STK24: variants seen among roughly 807,000 people sequenced by gnomAD.
STK24 encodes serine/threonine-protein kinase 24.
STK24 carries 21 observed loss-of-function variants against 55.6 expected under a neutral mutation model. The ratio of observed to expected loss-of-function variants is 0.38; its 90% CI spans 0.27 to 0.54. The LOEUF (loss-of-function observed/expected upper bound fraction) is 0.54, where lower values mean the gene tolerates loss of function less well. Ranked by LOEUF, STK24 falls within the 20% of genes least tolerant of loss-of-function variation. The pLI is 0.79. For synonymous variants in STK24, 200 were observed against 215.2 expected (o/e 0.93, Z 0.62); for missense variants, 383 against 538.4 (o/e 0.71, Z 2.86).
intron 2 of STK24, among the ~76,000 whole-genome samples, chr13:98,499,574 G>A (rs1895370979): frequency 1.3e-5 from 2 of 152,212 alleles, no homozygotes; most frequent in African/African-American, 4.8e-5. Context: ...GGGGTGGGGT[G>A]CGTCATCGCT....
chr13:98,482,126 C>T (rs1256879612), intron 3 of STK24, 139 bp downstream of exon 3: 13 of 433,354 alleles, frequency 3.0e-5, no homozygotes, highest in African/African-American at 1.9e-4. Context: ...CAAAAAAACA[C>T]GTAAGGAATA....
chr13:98,490,118 G>C (rs1418999773), intron 2 of STK24, among the ~76,000 whole-genome samples: 1 of 152,192 alleles, frequency 6.6e-6, no homozygotes, highest in East Asian at 1.9e-4. Context: ...CAGGTAGGTA[G>C]GGGAGGGAGT....
At chr13:98,559,841 C>A (rs1897374454) in intron 1 of STK24, among the ~76,000 whole-genome samples, 1 of 151,036 alleles carries the variant, frequency 6.6e-6, no homozygotes, top group South Asian at 2.1e-4. Context: ...TCTCATATCA[C>A]TGAAAGGAAA....
chr13:98,463,334 C>T (rs1205164054), intron 7 of STK24, among the ~76,000 whole-genome samples: 1 of 152,190 alleles, frequency 6.6e-6, no homozygotes, highest in Non-Finnish European at 1.5e-5. Context: ...ACATGCATTT[C>T]TGGCCTTTCA....
intron 1 of STK24, among the ~76,000 whole-genome samples, chr13:98,574,018 A>T (rs1178529779): frequency 1.1e-4 from 16 of 142,818 alleles, no homozygotes; most frequent in East Asian, 2.0e-4. Flanking sequence ...TTTTTATTTT[A>T]TTTTTTTTTT....
intron 1 of STK24, among the ~76,000 whole-genome samples, chr13:98,536,284 A>C (rs1456900885): frequency 7.9e-5 from 12 of 151,908 alleles, no homozygotes; most frequent in Non-Finnish European, 1.8e-4. Flanking sequence ...AGGCCAACAC[A>C]CTTCAGTAGG....
chr13:98,453,546 GA>G (rs1326755142), intron 10 of STK24: 1 of 223,784 alleles, frequency 4.5e-6, no homozygotes, highest in Non-Finnish European at 8.7e-6. Context: ...GACACAGTAA[GA>G]TTCCAGGGAT....
chr13:98,499,193 T>A (rs9517326), intron 2 of STK24, among the ~76,000 whole-genome samples: 1 of 151,832 alleles, frequency 6.6e-6, no homozygotes, highest in Non-Finnish European at 1.5e-5. Flanking sequence ...AGCCGAGATT[T>A]TACCACTGCA....
intron 1 of STK24, among the ~76,000 whole-genome samples, chr13:98,530,675 G>A (rs562465094): frequency 2.0e-5 from 3 of 152,260 alleles, no homozygotes; most frequent in African/African-American, 7.2e-5. Flanking sequence ...GCTGTGGTGC[G>A]CTGCTGCAAG....
chr13:98,486,084 A>T (rs574788925), intron 2 of STK24, among the ~76,000 whole-genome samples: 6 of 152,282 alleles, frequency 3.9e-5, no homozygotes, highest in African/African-American at 1.4e-4. Context: ...GAGGGACAGC[A>T]TTAGGAGAAA....
At chr13:98,503,339 G>C (rs7983408) in intron 2 of STK24, among the ~76,000 whole-genome samples, 27,558 of 152,116 alleles carry the variant, frequency 0.18, 2,922 homozygotes, top group Non-Finnish European at 0.24. Flanking sequence ...CCAAATAGAA[G>C]ATGAGGGCAG....
chr13:98,543,864 C>T (rs1464501402), intron 1 of STK24, among the ~76,000 whole-genome samples: 8 of 152,176 alleles, frequency 5.3e-5, no homozygotes, highest in South Asian at 2.1e-4. Context: ...GTCACCCACA[C>T]GCATAAACCA....
chr13:98,496,127 G>A (rs1337068382), intron 2 of STK24, among the ~76,000 whole-genome samples: 1 of 152,206 alleles, frequency 6.6e-6, no homozygotes, highest in Admixed American at 6.5e-5. Context: ...CTTCCCTGTG[G>A]GGAGCCATGG....
At chr13:98,467,913 C>A (rs944389452) in intron 5 of STK24, among the ~76,000 whole-genome samples, 1 of 152,194 alleles carries the variant, frequency 6.6e-6, no homozygotes, top group Non-Finnish European at 1.5e-5. Context: ...TGGCGAAAGA[C>A]GAATGGGGAC....
chr13:98,563,518 G>A (rs1317635013), intron 1 of STK24, among the ~76,000 whole-genome samples: 1 of 152,156 alleles, frequency 6.6e-6, no homozygotes, highest in Non-Finnish European at 1.5e-5. Flanking sequence ...AATCCCCTAA[G>A]TCTGTATAAT....
chr13:98,562,448 A>G (rs1897448686), intron 1 of STK24, among the ~76,000 whole-genome samples: 1 of 152,184 alleles, frequency 6.6e-6, no homozygotes. Flanking sequence ...TTACTATCAC[A>G]AGTCCTCCAG....
intron 2 of STK24, among the ~76,000 whole-genome samples, chr13:98,514,681 A>C (rs965882710): frequency 6.6e-6 from 1 of 152,208 alleles, no homozygotes; most frequent in Non-Finnish European, 1.5e-5. Flanking sequence ...AGAAATTTGA[A>C]AAGCACAGCT....
intron 1 of STK24, 136 bp from the exon 2 acceptor site, chr13:98,519,609 TGGTGGTGACCACA>T: frequency 2.8e-6 from 2 of 721,690 alleles, no homozygotes; most frequent in Non-Finnish European, 4.6e-6. Context: ...AGCATCAGGC[TGGTGGTGACCACA>T]GCTCTGCAGG....
At chr13:98,478,155 C>T (rs1894453677) in intron 3 of STK24, among the ~76,000 whole-genome samples, 1 of 152,204 alleles carries the variant, frequency 6.6e-6, no homozygotes, top group African/African-American at 2.4e-5. Context: ...AAGTCAGCAG[C>T]TGGTGTTCGC....
Sources: gnomAD v4.1 joint callset for allele counts (sites outside exome capture counted in the v4.1 genomes callset) on GRCh38, gnomAD v4.1.1 for gene constraint, MANE v1.5 for transcripts, NCBI Gene and HGNC (gene_info 2026-07-23, HGNC 2026-07-21) for gene names.